The following PDE7B variants were observed in gnomAD, a reference collection of about 807,000 sequenced individuals.
PDE7B encodes phosphodiesterase 7B.
A neutral mutation model predicts 56.2 loss-of-function variants in PDE7B; 29 were observed. That is an observed-to-expected ratio of 0.52 (90% CI 0.38 to 0.70). The LOEUF is 0.70. Among genes scored for constraint, PDE7B ranks in the 30% least tolerant of loss-of-function variants. The probability of loss-of-function intolerance (pLI) is 0.00; values close to 1 mark genes in which losing one functional copy is unlikely to be tolerated. For synonymous variants in PDE7B, 197 were observed against 196.9 expected (o/e 1.00, Z 0.00); for missense variants, 490 against 565.0 (o/e 0.87, Z 1.35).
intron 1 of PDE7B, among the ~76,000 whole-genome samples, chr6:135,942,301 T>C (rs1032054211): frequency 2.0e-5 from 3 of 152,024 alleles, no homozygotes; most frequent in Non-Finnish European, 4.4e-5. Context: ...TCATGGAAAT[T>C]ATATTATTTT....
intron 1 of PDE7B, among the ~76,000 whole-genome samples, chr6:135,897,567 C>T (rs1775924686): frequency 6.6e-6 from 1 of 152,074 alleles, no homozygotes; most frequent in Non-Finnish European, 1.5e-5. Context: ...GTGGATCTCA[C>T]CAACTTGCAG....
chr6:136,176,182 C>A (rs1778974058), intron 9 of PDE7B, among the ~76,000 whole-genome samples: 1 of 151,886 alleles, frequency 6.6e-6, no homozygotes, highest in African/African-American at 2.4e-5. Context: ...CTACAGTAAC[C>A]ATTTGTTATA....
intron 2 of PDE7B, among the ~76,000 whole-genome samples, chr6:136,106,215 G>A (rs1427650307): frequency 6.6e-6 from 1 of 152,146 alleles, no homozygotes; most frequent in East Asian, 1.9e-4. Context: ...CATTTTTACT[G>A]TATATGTCTC....
chr6:136,074,968 G>A (rs888983530), intron 2 of PDE7B, among the ~76,000 whole-genome samples: 18 of 152,140 alleles, frequency 1.2e-4, no homozygotes, highest in African/African-American at 4.1e-4. Flanking sequence ...TGCATCATAT[G>A]GTACAAAAAA....
intron 6 of PDE7B, among the ~76,000 whole-genome samples, chr6:136,152,763 T>A (rs1447435215): frequency 1.3e-5 from 2 of 152,236 alleles, no homozygotes; most frequent in Non-Finnish European, 2.9e-5. Context: ...GGAGGCTGAC[T>A]TAATGCCATC....
chr6:135,926,292 T>A (rs946323338), intron 1 of PDE7B, among the ~76,000 whole-genome samples: 1 of 152,090 alleles, frequency 6.6e-6, no homozygotes, highest in African/African-American at 2.4e-5. Flanking sequence ...TTTCACCGTG[T>A]TAGCCAGGAT....
chr6:136,178,526 G>A (rs1583927446), intron 9 of PDE7B, among the ~76,000 whole-genome samples: 1 of 152,136 alleles, frequency 6.6e-6, no homozygotes, highest in East Asian at 1.9e-4. Context: ...CCTGGCCTAT[G>A]TATTGTGTTC....
Position 136,193,323 on chromosome 6 carries a change from C to T in PDE7B, c.*1483C>T, listed in dbSNP as rs1562519216. On this transcript the variant is annotated 3_prime_UTR_variant, in exon 13 of 13. Transcript: ENST00000308191. Reference sequence around the variant, plus strand: ...AACTGGATTTTTCTTTTTCCTTAATCTCATGTGAACAACTACCCAACTGTT... The same window carrying T: ...AACTGGATTTTTCTTTTTCCTTAATTTCATGTGAACAACTACCCAACTGTT... 1.3e-5 allele frequency: 2 copies of T among 152,594 alleles called. No homozygotes were observed. The highest frequency in any genetic ancestry group is 4.1e-4 in the South Asian group (2 of 4,830). 9.5% of individuals were successfully genotyped at this position (152,594 alleles called of 1,614,324 possible). A position where few individuals can be genotyped will look rare whatever the true frequency, so the allele number is the denominator to read the frequency against.
chr6:136,130,432 A>G (rs577620292), intron 3 of PDE7B, among the ~76,000 whole-genome samples: 3 of 152,306 alleles, frequency 2.0e-5, no homozygotes, highest in East Asian at 1.9e-4. Flanking sequence ...TGTGGAAAGA[A>G]AGGCTTCTGA....
At chr6:136,070,635 A>G (rs1777031984) in intron 2 of PDE7B, among the ~76,000 whole-genome samples, 1 of 152,190 alleles carries the variant, frequency 6.6e-6, no homozygotes, top group South Asian at 2.1e-4. Flanking sequence ...CATTTAATTT[A>G]AAAAACATTG....
At position 136,173,777 on chromosome 6, in the gene PDE7B, C is replaced by T. The variant is rs764535131; in HGVS notation, c.712-20C>T. ...TCTGGCTTCCCTCTCATTTATAACT[C>T]TTATTTTCTTTCTTTCTAGAATATG... On this transcript the variant is annotated intron_variant, in intron 8 of 12. Coordinates refer to ENST00000308191, the MANE Select transcript of PDE7B (RefSeq NM_018945.4). The T allele has an allele frequency of 6.6e-7, 1 of 1,515,454 alleles. No individual in the cohort carries two copies. Among genetic ancestry groups the T allele is most frequent in the Non-Finnish European group, 9.2e-7 (1 of 1,092,146 alleles). 93.9% of individuals were successfully genotyped at this position (1,515,454 alleles called of 1,614,324 possible).
At chr6:136,083,567 C>CT (rs113983860) in intron 2 of PDE7B, among the ~76,000 whole-genome samples, 58 of 152,304 alleles carry the variant, frequency 3.8e-4, no homozygotes, top group African/African-American at 1.3e-3. Context: ...CCATGTGATA[C>CT]TGACCTGGGG....
intron 2 of PDE7B, among the ~76,000 whole-genome samples, chr6:135,978,637 A>C (rs1775235206): frequency 6.6e-6 from 1 of 152,130 alleles, no homozygotes; most frequent in Non-Finnish European, 1.5e-5. Flanking sequence ...GTACAAAAAA[A>C]TTCTTTATAC....
At chr6:136,110,204 T>G (rs1777718834) in intron 3 of PDE7B, among the ~76,000 whole-genome samples, 2 of 152,158 alleles carry the variant, frequency 1.3e-5, no homozygotes, top group Admixed American at 1.3e-4. Flanking sequence ...TCAAAAATGC[T>G]TTTTGGAAGA....
chr6:136,168,025 G>A (rs899699253), intron 8 of PDE7B, among the ~76,000 whole-genome samples: 4 of 152,184 alleles, frequency 2.6e-5, no homozygotes, highest in African/African-American at 9.7e-5. Context: ...GCCTTGTGGA[G>A]TATTTGAAGT....
At chr6:136,121,250 A>G (rs751315987) in intron 3 of PDE7B, among the ~76,000 whole-genome samples, 1 of 152,136 alleles carries the variant, frequency 6.6e-6, no homozygotes, top group Non-Finnish European at 1.5e-5. Flanking sequence ...CTATAATGCT[A>G]ATCTTTTCTC....
At chr6:135,901,365 T>C (rs1775996750) in intron 1 of PDE7B, among the ~76,000 whole-genome samples, 2 of 152,190 alleles carry the variant, frequency 1.3e-5, no homozygotes, top group African/African-American at 2.4e-5. Context: ...GTGGGGGAAA[T>C]TGTAATTACT....
At chr6:135,945,256 A>G (rs894681655) in intron 1 of PDE7B, among the ~76,000 whole-genome samples, 2 of 152,172 alleles carry the variant, frequency 1.3e-5, no homozygotes, top group South Asian at 2.1e-4. Flanking sequence ...TGGCATCCCC[A>G]TGTTACTTAT....
intron 5 of PDE7B, among the ~76,000 whole-genome samples, chr6:136,150,089 A>C (rs1216368247): frequency 6.6e-6 from 1 of 152,234 alleles, no homozygotes; most frequent in African/African-American, 2.4e-5. Context: ...TGACCCTCAT[A>C]GACATATGAA....
Sources: gnomAD v4.1 joint callset for allele counts (sites outside exome capture counted in the v4.1 genomes callset) on GRCh38, gnomAD v4.1.1 for gene constraint, MANE v1.5 for transcripts, NCBI Gene and HGNC (gene_info 2026-07-23, HGNC 2026-07-21) for gene names.